TUT4: variants seen among roughly 807,000 people sequenced by gnomAD.
TUT4 encodes terminal uridylyltransferase 4.
A neutral mutation model predicts 192.2 loss-of-function variants in TUT4; 36 were observed. The ratio of observed to expected loss-of-function variants is 0.19; its 90% CI spans 0.14 to 0.25. The LOEUF (loss-of-function observed/expected upper bound fraction) is 0.25. TUT4 is among the 10% of genes least tolerant of loss of function. The pLI is 1.00. For missense variants in TUT4, 1,493 were observed against 1,957.2 expected (o/e 0.76, Z 4.47); for synonymous variants, 618 against 666.0 (o/e 0.93, Z 1.11).
At chr1:52,449,942 T>C (rs1281454001) in intron 20 of TUT4, among the ~76,000 whole-genome samples, 1 of 152,204 alleles carries the variant, frequency 6.6e-6, no homozygotes, top group African/African-American at 2.4e-5. Flanking sequence ...TTCATTAAGT[T>C]GCAAATTTTA....
At chr1:52,430,189 G>A (rs1248157274) in intron 28 of TUT4, among the ~76,000 whole-genome samples, 1 of 152,032 alleles carries the variant, frequency 6.6e-6, no homozygotes, top group Non-Finnish European at 1.5e-5. Flanking sequence ...AATTGTTCCT[G>A]AGAAAAAATA....
rs763588455 is a variant in TUT4, at chr1:52,425,385, C to T, written c.4834G>A (p.Ala1612Thr). 1.9e-6 allele frequency: 3 copies of T among 1,613,722 alleles called. No homozygotes were observed. In the Admixed American group the frequency reaches 5.0e-5, roughly 27 times the overall value. The change falls in exon 29 of 30, where the codon GCC becomes ACC. Residue 1612 changes from alanine to threonine, a missense_variant. By Grantham distance (58) the Ala-to-Thr change is moderately conservative. This residue lies in a region of TUT4 where 351 missense variants were observed against 397.8 expected (regional missense o/e 0.88). Transcript: ENST00000257177. ...AAAGGTTTGTTGGGCTGGAATCGGG[C>T]ATTTCCCTGATGCATGAAGTTTTGA... is the stretch of plus-strand genomic sequence containing the variant. Reference protein sequence around the residue: ...LHQNFMHQGNARFQPNKPFYT... With the variant: ...LHQNFMHQGNTRFQPNKPFYT...
intron 20 of TUT4, among the ~76,000 whole-genome samples, chr1:52,457,665 TCCTC>T (rs1378990587): frequency 6.6e-6 from 1 of 152,168 alleles, no homozygotes; most frequent in Non-Finnish European, 1.5e-5. Context: ...TTGAATTGGA[TCCTC>T]CCTAACGCCT....
intron 4 of TUT4, among the ~76,000 whole-genome samples, chr1:52,506,638 G>A (rs993371001): frequency 3.9e-5 from 6 of 151,914 alleles, no homozygotes; most frequent in Admixed American, 2.0e-4. Flanking sequence ...CGTAGTTTTC[G>A]TTTCTAATAG....
intron 26 of TUT4, among the ~76,000 whole-genome samples, chr1:52,436,151 A>G (rs1231847235): frequency 6.6e-6 from 1 of 152,206 alleles, no homozygotes; most frequent in Non-Finnish European, 1.5e-5. Context: ...GTCTCTTGTA[A>G]AGAATGTTAG....
intron 1 of TUT4, among the ~76,000 whole-genome samples, chr1:52,541,523 C>T (rs996392471): frequency 1.3e-5 from 2 of 149,980 alleles, no homozygotes; most frequent in African/African-American, 4.9e-5. Context: ...CAGAGCGAGA[C>T]TCCGTCTCAA....
chr1:52,429,648 A>G (rs550972104), intron 28 of TUT4, among the ~76,000 whole-genome samples: 1 of 151,562 alleles, frequency 6.6e-6, no homozygotes, highest in Admixed American at 6.6e-5. Flanking sequence ...CTGGAATGCA[A>G]TGGCATGATC....
At chr1:52,466,720 G>A (rs1209102106) in intron 15 of TUT4, among the ~76,000 whole-genome samples, 1 of 148,862 alleles carries the variant, frequency 6.7e-6, no homozygotes, top group Non-Finnish European at 1.5e-5. Context: ...GCCCAGGCTG[G>A]AGTGCAAAGG....
At chr1:52,550,735 T>C (rs1280023840) in intron 1 of TUT4, among the ~76,000 whole-genome samples, 2 of 152,066 alleles carry the variant, frequency 1.3e-5, no homozygotes, top group Non-Finnish European at 2.9e-5. Flanking sequence ...GCTCAAGCAA[T>C]CCTCTCGCCT....
intron 2 of TUT4, among the ~76,000 whole-genome samples, chr1:52,522,044 A>C (rs1680429076): frequency 6.6e-6 from 1 of 150,634 alleles, no homozygotes; most frequent in Non-Finnish European, 1.5e-5. Flanking sequence ...AGAAATCATT[A>C]ATTCAAACAT....
At chr1:52,439,434 T>C (rs1654842920) in intron 24 of TUT4, among the ~76,000 whole-genome samples, 3 of 152,348 alleles carry the variant, frequency 2.0e-5, no homozygotes, top group Middle Eastern at 3.4e-3. Flanking sequence ...TGCTTTATCT[T>C]TGCACCTTGC....
At chr1:52,481,984 T>C (rs1570781642) in intron 9 of TUT4, 61 bp from the exon 10 acceptor site, 1 of 1,380,590 alleles carries the variant, frequency 7.2e-7, no homozygotes, top group Middle Eastern at 2.3e-4. Context: ...ATGATAAAAG[T>C]AGCTTGCTTT....
chr1:52,430,246 T>G (rs1251534994), intron 28 of TUT4, among the ~76,000 whole-genome samples: 1 of 152,176 alleles, frequency 6.6e-6, no homozygotes, highest in African/African-American at 2.4e-5. Context: ...GAAATTCGTT[T>G]AACTCTTGGA....
chr1:52,545,141 C>T (rs980236139), intron 1 of TUT4, among the ~76,000 whole-genome samples: 3 of 151,536 alleles, frequency 2.0e-5, no homozygotes, highest in Non-Finnish European at 2.9e-5. Context: ...TTTGGGAGGC[C>T]GAAGTGAGTG....
intron 29 of TUT4, chr1:52,424,786 ACCTTTAATTAGGTC>A (rs1185807085): frequency 1.3e-5 from 2 of 152,142 alleles, no homozygotes; most frequent in African/African-American, 4.8e-5. Context: ...TCCACTAAAA[ACCTTTAATTAGGTC>A]CCCAATGCTC....
At chr1:52,441,978 G>C (rs928424099) in intron 24 of TUT4, among the ~76,000 whole-genome samples, 2 of 151,944 alleles carry the variant, frequency 1.3e-5, no homozygotes, top group Non-Finnish European at 2.9e-5. Flanking sequence ...GACCAGCCTG[G>C]CCAGCGTGGT....
intron 2 of TUT4, among the ~76,000 whole-genome samples, chr1:52,524,592 G>C (rs927993169): frequency 2.6e-5 from 4 of 151,726 alleles, no homozygotes. Context: ...CAGATCAAAA[G>C]GTCAGGAGTT....
At chr1:52,548,363 T>G (rs1463985877) in intron 1 of TUT4, among the ~76,000 whole-genome samples, 1 of 152,198 alleles carries the variant, frequency 6.6e-6, no homozygotes, top group African/African-American at 2.4e-5. Context: ...TCTCTATAAT[T>G]CATACTTTGC....
intron 13 of TUT4, among the ~76,000 whole-genome samples, chr1:52,474,116 G>A (rs998045556): frequency 6.6e-6 from 1 of 152,192 alleles, no homozygotes; most frequent in Non-Finnish European, 1.5e-5. Flanking sequence ...GCTGAGGTGG[G>A]AGAATGGCTT....
Sources: allele counts gnomAD v4.1 joint callset (sites outside exome capture counted in the v4.1 genomes callset), GRCh38; gene constraint gnomAD v4.1.1; regional missense constraint gnomAD v4.1.1; transcripts MANE v1.5; gene names NCBI Gene and HGNC (gene_info 2026-07-23, HGNC 2026-07-21).